Variants in SEC16B observed in about 807,000 individuals in gnomAD.
SEC16B encodes the protein SEC16 homolog B, endoplasmic reticulum export factor.
In SEC16B, 115 loss-of-function variants were observed where a neutral mutation model predicts 141.8. That is an observed-to-expected ratio of 0.81 (90% CI 0.70 to 0.95). The LOEUF is 0.95. Ranked by LOEUF, SEC16B falls within the 40% of genes least tolerant of loss-of-function variation. SEC16B has a pLI of 0.00. For synonymous variants in SEC16B, 493 were observed against 492.5 expected, an observed-to-expected ratio of 1.00 and a Z score of -0.01; for missense variants, 1,291 against 1,312.3, an observed-to-expected ratio of 0.98 and a Z score of 0.25.
At chr1:177,958,560 C>A in intron 9 of SEC16B, 198 bp from the exon 10 acceptor site, 1 of 606,966 alleles carries the variant, frequency 1.6e-6, no homozygotes, top group Non-Finnish European at 2.8e-6. Context: ...CTGTCAGGAG[C>A]CATAAAGCTT....
At position 177,951,984 on chromosome 1, in the gene SEC16B, G is replaced by A. The variant is rs112199919; in HGVS notation, c.1475C>T (p.Thr492Met). 3,325 of 1,602,656 alleles carry A rather than the reference G, an allele frequency of 2.1e-3. 29 individuals carry two copies. In the African/African-American group the frequency reaches 0.026, roughly 12 times the overall value. Residue 492 changes from threonine (T) to methionine (M), a missense_variant, in exon 12 of 26, where the codon ACG (threonine) becomes ATG (methionine). Physicochemically the swap from Thr to Met is moderately conservative, Grantham distance 81. This residue lies in a region of SEC16B where 681 missense variants were observed against 675.5 expected (regional missense o/e 1.01). Coordinates refer to ENST00000308284, the MANE Select transcript of SEC16B (RefSeq NM_033127.4). Reference protein sequence around the residue: ...YSWVMSGFTSTLALNDPLQTL... With the variant: ...YSWVMSGFTSMLALNDPLQTL... ...CTGCAGTGGGTCATTGAGCGCCAGC[G>A]TGCTGGTGAAGCTGCGGAGAGAAGG...
chr1:177,944,621 C>T lies in SEC16B; in HGVS notation c.1821G>A (p.Thr607=), dbSNP rs779467854. Residue 607 remains threonine (T), a synonymous_variant, in exon 15 of 26, where the codon ACG becomes ACA. Coordinates refer to ENST00000308284, the MANE Select transcript of SEC16B (RefSeq NM_033127.4). ...GCATCTGACAGTACTCGAAGATTTC[C>T]GTCCTCTGGATTGCCTCAGTTGTTG... ...KFATTEAIQR[T]EIFEYCQMLG... is the part of the protein sequence containing the mutation. 73 of 1,613,720 alleles carry T rather than the reference C, an allele frequency of 4.5e-5. No homozygotes were observed. The highest frequency in any genetic ancestry group is 5.3e-5 in the Non-Finnish European group (63 of 1,179,798).
At chr1:177,945,735 G>C (rs186889157) in intron 14 of SEC16B, 1 of 152,520 alleles carries the variant, frequency 6.6e-6, no homozygotes, top group East Asian at 1.9e-4. Flanking sequence ...AATAATTAAA[G>C]GAAATAGTGC....
chr1:177,958,629 C>G (rs540045710), intron 9 of SEC16B, among the ~76,000 whole-genome samples: 2 of 152,346 alleles, frequency 1.3e-5, no homozygotes, highest in South Asian at 4.1e-4. Context: ...AACCCAGAAA[C>G]TGTACAATTT....
chr1:177,938,566 T>C (rs377352868), intron 18 of SEC16B, among the ~76,000 whole-genome samples: 1 of 152,216 alleles, frequency 6.6e-6, no homozygotes, highest in Non-Finnish European at 1.5e-5. Flanking sequence ...CCTTGCAGGA[T>C]GGAACCCTTT....
At chr1:177,973,097 C>T (rs1476844718), upstream of SEC16B, 1 of 152,152 alleles carries the variant, frequency 6.6e-6, no homozygotes, top group Non-Finnish European at 1.5e-5. Context: ...AAGACACTAC[C>T]CTAGTTTGAC....
intron 1 of SEC16B, among the ~76,000 whole-genome samples, chr1:177,975,739 C>T (rs1654145346): frequency 6.6e-6 from 1 of 152,192 alleles, no homozygotes; most frequent in African/African-American, 2.4e-5. Flanking sequence ...ATATTTCTGA[C>T]TCCAAGAATG....
chr1:177,964,942 T>C (rs1159546673), intron 4 of SEC16B, 105 bp downstream of exon 4: 2 of 1,355,872 alleles, frequency 1.5e-6, no homozygotes, highest in East Asian at 4.9e-5. Context: ...CAAAGGTACA[T>C]GGGCTTCTGG....
chr1:177,932,867 G>A lies in SEC16B; in HGVS notation c.2824-61C>T, dbSNP rs555295111. 176 of 1,449,290 alleles carry A rather than the reference G, an allele frequency of 1.2e-4. 3 individuals are homozygous for A. In the South Asian group the frequency reaches 1.8e-3, roughly 15 times the overall value. 89.8% of individuals were successfully genotyped at this position (1,449,290 alleles called of 1,614,324 possible). A position where few individuals can be genotyped will look rare whatever the true frequency, so the allele number is the denominator to read the frequency against. On this transcript the variant is annotated intron_variant, in intron 22 of 25. Coordinates refer to ENST00000308284, the MANE Select transcript of SEC16B (RefSeq NM_033127.4). ...ATTGGCAGTTAACAAATTGATGCCC[G>A]CCAATTTGTGTTCCCACACTCACGA...
chr1:177,983,452 G>A (rs543028095), intron 1 of SEC16B, among the ~76,000 whole-genome samples: 3 of 151,790 alleles, frequency 2.0e-5, no homozygotes, highest in Non-Finnish European at 1.5e-5. Context: ...TAAGTTAACC[G>A]TACTCAGGTT....
chr1:177,944,701 G>T (rs1286875664), intron 14 of SEC16B, 35 bp from the exon 15 acceptor site: 1 of 1,558,522 alleles, frequency 6.4e-7, no homozygotes, highest in Non-Finnish European at 8.8e-7. Flanking sequence ...AGAGATTGAG[G>T]TGTGGGGGAC....
Position 177,937,376 on chromosome 1 carries a change from C to A in SEC16B, c.2341G>T (p.Gly781Cys). Residue 781 changes from glycine to cysteine, a missense_variant, in exon 19 of 26, where the codon GGC (glycine) becomes TGC (cysteine). Gly to Cys is a radical substitution (Grantham distance 159). This residue lies in a region of SEC16B where 605 missense variants were observed against 614.1 expected (regional missense o/e 0.99). Transcript: ENST00000308284. ...GCACCCCCTCCTGCTGGGTAGGAGC[C>A]CGGCTGGAGGGGAAAGGGCTGCTGT... ...SPQQPFPLQP[G>C]SYPAGGGAGQ... is the part of the protein sequence containing the mutation. 6.2e-7 allele frequency: 1 copy of A among 1,612,856 alleles called. No individual in the cohort carries two copies. Among genetic ancestry groups the A allele is most frequent in the Non-Finnish European group, 8.5e-7 (1 of 1,179,514 alleles).
chr1:177,962,670 C>T (rs184182624), intron 5 of SEC16B, among the ~76,000 whole-genome samples: 139 of 151,014 alleles, frequency 9.2e-4, no homozygotes, highest in Admixed American at 1.6e-3. Context: ...CACCTGAGCC[C>T]AGGAGTTCAA....
chr1:177,937,556 C>A (rs958309333), intron 18 of SEC16B, 43 bp from the exon 19 acceptor site: 1 of 1,434,212 alleles, frequency 7.0e-7, no homozygotes, highest in South Asian at 1.5e-5. Context: ...ACCTGAAATG[C>A]GGCATTTGCA....
At chr1:177,983,671 A>G (rs993422172) in intron 1 of SEC16B, among the ~76,000 whole-genome samples, 2 of 152,172 alleles carry the variant, frequency 1.3e-5, no homozygotes, top group African/African-American at 2.4e-5. Flanking sequence ...CCGGAGTTCT[A>G]TTGTCATGGG....
chr1:177,946,535 C>A lies in SEC16B; in HGVS notation c.1664-4G>T, dbSNP rs375771652. On this transcript the variant is annotated splice_polypyrimidine_tract_variant and splice_region_variant and intron_variant, in intron 13 of 25. Coordinates refer to ENST00000308284, the MANE Select transcript of SEC16B (RefSeq NM_033127.4). ...GCCTCCACAAGCCCCTTCCCAGCTG[C>A]GGGAGGAAGAGAACAAGACCCAATC... is the stretch of plus-strand genomic sequence containing the variant. The A allele has an allele frequency of 1.3e-6, 2 of 1,564,884 alleles. No individual in the cohort carries two copies. The highest frequency in any genetic ancestry group is 1.4e-5 in the African/African-American group (1 of 73,558).
At chr1:177,950,601 T>A (rs1044387929) in intron 12 of SEC16B, among the ~76,000 whole-genome samples, 4 of 152,232 alleles carry the variant, frequency 2.6e-5, no homozygotes, top group Non-Finnish European at 5.9e-5. Flanking sequence ...ACAAAAATGT[T>A]ACCACAAAAC....
chr1:177,977,814 C>G (rs1654236221), intron 1 of SEC16B, among the ~76,000 whole-genome samples: 1 of 152,170 alleles, frequency 6.6e-6, no homozygotes, highest in Non-Finnish European at 1.5e-5. Context: ...TTTAACTACA[C>G]CATTTGCTAG....
intron 2 of SEC16B, among the ~76,000 whole-genome samples, chr1:177,967,032 TG>T (rs750350860): frequency 5.9e-5 from 9 of 152,146 alleles, no homozygotes; most frequent in Non-Finnish European, 1.3e-4. Context: ...TTAAGTCCAG[TG>T]CTTACAGACC....
Sources: gnomAD v4.1 joint callset for allele counts (sites outside exome capture counted in the v4.1 genomes callset) on GRCh38, gnomAD v4.1.1 for gene constraint, gnomAD v4.1.1 regional missense constraint, MANE v1.5 for transcripts, NCBI Gene and HGNC (gene_info 2026-07-23, HGNC 2026-07-21) for gene names.